The following GRID1 variants were observed in gnomAD, a reference collection of about 807,000 sequenced individuals.
GRID1 encodes the protein glutamate ionotropic receptor delta type subunit 1.
In GRID1, 28 loss-of-function variants were observed where a neutral mutation model predicts 98.0. The observed-to-expected ratio is 0.29, with a 90% CI of 0.21 to 0.39. The LOEUF (loss-of-function observed/expected upper bound fraction) is 0.39. Among genes scored for constraint, GRID1 ranks in the 10% least tolerant of loss-of-function variants. The pLI is 1.00. For missense variants in GRID1, 1,111 were observed against 1,340.5 expected, an observed-to-expected ratio of 0.83 and a Z score of 2.67; for synonymous variants, 553 against 538.5, an observed-to-expected ratio of 1.03 and a Z score of -0.37.
chr10:85,881,677 G>A (rs1480180014), intron 5 of GRID1, among the ~76,000 whole-genome samples: 1 of 152,124 alleles, frequency 6.6e-6, no homozygotes, highest in Non-Finnish European at 1.5e-5. Flanking sequence ...AACCCTAGAA[G>A]AAAACCTAGG....
chr10:85,892,375 T>C (rs188641824), intron 5 of GRID1, among the ~76,000 whole-genome samples: 5 of 151,872 alleles, frequency 3.3e-5, no homozygotes, highest in East Asian at 1.9e-4. Context: ...GTTTCCAAGT[T>C]TGATGAAGAA....
chr10:86,330,776 C>A (rs577491500), intron 2 of GRID1, among the ~76,000 whole-genome samples: 3 of 152,360 alleles, frequency 2.0e-5, no homozygotes, highest in African/African-American at 7.2e-5. Flanking sequence ...CAAATACAAG[C>A]CACATAAGAC....
chr10:85,855,111 C>T (rs1038160410), intron 7 of GRID1, among the ~76,000 whole-genome samples: 2 of 152,252 alleles, frequency 1.3e-5, no homozygotes, highest in Non-Finnish European at 2.9e-5. Flanking sequence ...CCTGGCTTTG[C>T]CACCTGTGCC....
intron 2 of GRID1, among the ~76,000 whole-genome samples, chr10:86,228,637 G>A (rs555946166): frequency 6.6e-6 from 1 of 152,206 alleles, no homozygotes; most frequent in Admixed American, 6.5e-5. Context: ...AAGGCCAGCA[G>A]AAAAATCACT....
In GRID1 at chr10:86,237,001, G is replaced by T. The variant is rs530447239; in HGVS notation, c.236-30353C>A. 7.9e-5 allele frequency among the ~76,000 whole-genome samples: 12 copies of T among 152,164 alleles called. No homozygotes were observed. In the South Asian group the frequency reaches 2.1e-3, roughly 26 times the overall value. Reference sequence around the variant, plus strand: ...CTCAGGAAGAACTTCTAATTCCATGGGCAGGCACGACACAGTCCTCTGCTT... The same window carrying T: ...CTCAGGAAGAACTTCTAATTCCATGTGCAGGCACGACACAGTCCTCTGCTT... On this transcript the variant is annotated intron_variant, in intron 2 of 15. Coordinates refer to ENST00000327946, the MANE Select transcript of GRID1 (RefSeq NM_017551.3).
chr10:85,997,623 A>C (rs1381308185), intron 4 of GRID1, among the ~76,000 whole-genome samples: 1 of 152,206 alleles, frequency 6.6e-6, no homozygotes, highest in African/African-American at 2.4e-5. Flanking sequence ...GAATGGTAAA[A>C]AATGTTTTAA....
At chr10:86,295,698 G>A (rs1380241234) in intron 2 of GRID1, among the ~76,000 whole-genome samples, 1 of 152,206 alleles carries the variant, frequency 6.6e-6, no homozygotes, top group Admixed American at 6.5e-5. Context: ...TGCAGGTTGG[G>A]GTTTTGCCCA....
At chr10:85,766,973 A>G (rs918490868) in intron 8 of GRID1, among the ~76,000 whole-genome samples, 1 of 152,194 alleles carries the variant, frequency 6.6e-6, no homozygotes, top group Admixed American at 6.6e-5. Flanking sequence ...CTAGAGGGGA[A>G]GAGCCTTCCT....
At chr10:85,892,841 T>C (rs543162531) in intron 5 of GRID1, among the ~76,000 whole-genome samples, 1 of 152,132 alleles carries the variant, frequency 6.6e-6, no homozygotes, top group East Asian at 1.9e-4. Context: ...GGAGGAAACA[T>C]ATTGCAACTC....
intron 4 of GRID1, among the ~76,000 whole-genome samples, chr10:85,958,674 G>A (rs1237155322): frequency 6.6e-6 from 1 of 152,162 alleles, no homozygotes; most frequent in Non-Finnish European, 1.5e-5. Context: ...AAGAAGCTGA[G>A]GGTCCAGGCG....
At chr10:85,740,959 A>G (rs1268769114) in intron 8 of GRID1, among the ~76,000 whole-genome samples, 1 of 151,944 alleles carries the variant, frequency 6.6e-6, no homozygotes, top group African/African-American at 2.4e-5. Context: ...TCACCATGTT[A>G]ACCAGGCTGT....
At chr10:85,817,538 AT>A (rs1842726537) in intron 8 of GRID1, among the ~76,000 whole-genome samples, 2 of 151,894 alleles carry the variant, frequency 1.3e-5, no homozygotes, top group Non-Finnish European at 2.9e-5. Flanking sequence ...TAATAACAAC[AT>A]TAAAAAAAAT....
chr10:85,777,486 G>A (rs117979694), intron 8 of GRID1, among the ~76,000 whole-genome samples: 4,995 of 152,284 alleles, frequency 0.033, 129 homozygotes, highest in Middle Eastern at 0.048. Context: ...GTAGGACCTG[G>A]GCACTGGGAT....
intron 4 of GRID1, among the ~76,000 whole-genome samples, chr10:85,980,628 G>T (rs892993778): frequency 1.3e-5 from 2 of 152,176 alleles, no homozygotes; most frequent in Non-Finnish European, 2.9e-5. Context: ...AAACACACTC[G>T]TGTTCCCATA....
chr10:86,317,915 A>AT (rs1249489212), intron 2 of GRID1, among the ~76,000 whole-genome samples: 1 of 151,572 alleles, frequency 6.6e-6, no homozygotes, highest in Non-Finnish European at 1.5e-5. Flanking sequence ...TAATTTTTTA[A>AT]TTTTTTTTGT....
Position 85,856,342 on chromosome 10 carries a change from T to G in GRID1, c.952-152A>C, listed in dbSNP as rs867022671. On this transcript the variant is annotated intron_variant, in intron 6 of 15. Coordinates refer to ENST00000327946, the MANE Select transcript of GRID1 (RefSeq NM_017551.3). ...AGATCCTCGGCTTTTAGGTGTACTT[T>G]CAAAAACCCAGCCAGCTTCTAGAGT... 9 of 678,864 alleles carry G rather than the reference T, an allele frequency of 1.3e-5. 1 individual carries two copies. The Middle Eastern group carries it at 8.2e-4, about 62-fold the overall frequency. 42.1% of individuals were successfully genotyped at this position (678,864 alleles called of 1,614,324 possible). A position where few individuals can be genotyped will look rare whatever the true frequency, so the allele number is the denominator to read the frequency against.
chr10:86,252,988 C>A (rs1197530981), intron 2 of GRID1, among the ~76,000 whole-genome samples: 1 of 152,146 alleles, frequency 6.6e-6, no homozygotes, highest in Non-Finnish European at 1.5e-5. Context: ...TTTTATGACA[C>A]AAAGTACTTA....
chr10:85,862,886 G>T (rs958286723), intron 6 of GRID1, among the ~76,000 whole-genome samples: 3 of 152,194 alleles, frequency 2.0e-5, no homozygotes, highest in African/African-American at 7.2e-5. Context: ...GGAGGAAATG[G>T]AGGGAGGGCA....
At chr10:86,243,596 C>T (rs536184129) in intron 2 of GRID1, among the ~76,000 whole-genome samples, 32 of 152,320 alleles carry the variant, frequency 2.1e-4, no homozygotes, top group Non-Finnish European at 4.4e-4. Flanking sequence ...GGGAGCAGTT[C>T]CTCTATGCCA....
Sources: gnomAD v4.1 joint callset for allele counts (sites outside exome capture counted in the v4.1 genomes callset) on GRCh38, gnomAD v4.1.1 for gene constraint, MANE v1.5 for transcripts, NCBI Gene and HGNC (gene_info 2026-07-23, HGNC 2026-07-21) for gene names.